The following NEK11 variants were observed in gnomAD, a reference collection of about 807,000 sequenced individuals.
The protein encoded by NEK11 is serine/threonine-protein kinase Nek11.
NEK11 carries 72 observed loss-of-function variants against 80.7 expected under a neutral mutation model. The observed-to-expected ratio is 0.89, with a 90% CI of 0.74 to 1.08. NEK11 has a LOEUF of 1.08. Ranked by LOEUF, NEK11 falls within the 50% of genes least tolerant of loss-of-function variation. NEK11 has a pLI of 0.00. For synonymous variants in NEK11, 251 were observed against 260.7 expected (o/e 0.96, Z 0.36); for missense variants, 764 against 763.6 (o/e 1.00, Z -0.01).
At chr3:131,275,478 T>A (rs2108736024) in intron 17 of NEK11, among the ~76,000 whole-genome samples, 1 of 152,352 alleles carries the variant, frequency 6.6e-6, no homozygotes, top group South Asian at 2.1e-4. Context: ...GTTGTTTTTT[T>A]TCTCCTTATT....
chr3:131,320,200 AT>A (rs1169605299), intron 17 of NEK11, among the ~76,000 whole-genome samples: 1 of 152,184 alleles, frequency 6.6e-6, no homozygotes, highest in African/African-American at 2.4e-5. Context: ...ACACAGGTTT[AT>A]GCTTGGTTGT....
rs1480177252 is a variant in NEK11 at position 131,165,470 on chromosome 3, A to C, written c.1127A>C (p.Gln376Pro). ...EKYEENSKRM[Q>P]ELRSRNFQQL... ...TATGAAGAAAATAGCAAACGAATGC[A>C]AGAATTGAGATCTCGGAACTTTCAG... The change falls in exon 12 of 18, where the codon CAA (glutamine) becomes CCA (proline). Residue 376 changes from glutamine (Q) to proline (P), a missense_variant. Physicochemically the swap from Gln to Pro is moderately conservative, Grantham distance 76 (BLOSUM62 -1). Transcript: ENST00000383366. The C allele has an allele frequency of 6.2e-7, 1 of 1,613,076 alleles. No homozygotes were observed. Among genetic ancestry groups the C allele is most frequent in the Non-Finnish European group, 8.5e-7 (1 of 1,179,126 alleles).
chr3:131,060,746 A>G (rs1342512618), intron 3 of NEK11, among the ~76,000 whole-genome samples: 1 of 152,168 alleles, frequency 6.6e-6, no homozygotes, highest in Non-Finnish European at 1.5e-5. Flanking sequence ...AAGTGGCTGT[A>G]CCATTTTGCA....
intron 3 of NEK11, among the ~76,000 whole-genome samples, chr3:131,058,695 A>G (rs2070172699): frequency 6.6e-6 from 1 of 152,178 alleles, no homozygotes; most frequent in South Asian, 2.1e-4. Context: ...TCAAGATATC[A>G]CAGTTCCCTT....
intron 4 of NEK11, among the ~76,000 whole-genome samples, chr3:131,106,189 G>A (rs2079148576): frequency 6.6e-6 from 1 of 151,350 alleles, no homozygotes; most frequent in African/African-American, 2.4e-5. Flanking sequence ...TTTTTTCAAT[G>A]TGGCACAGAA....
chr3:131,119,760 A>T (rs904189288), intron 5 of NEK11, among the ~76,000 whole-genome samples: 3 of 152,008 alleles, frequency 2.0e-5, no homozygotes, highest in African/African-American at 7.3e-5. Context: ...TTGTTGGTTT[A>T]AATTCTGTTT....
At chr3:131,135,344 C>G (rs2085359725) in intron 7 of NEK11, among the ~76,000 whole-genome samples, 1 of 152,102 alleles carries the variant, frequency 6.6e-6, no homozygotes. Context: ...CACCTATCAT[C>G]TTCTGTCTTC....
intron 14 of NEK11, chr3:131,174,955 C>G: frequency 1.4e-6 from 2 of 1,401,664 alleles, no homozygotes; most frequent in Admixed American, 3.3e-5. Flanking sequence ...TGTTCAGCCA[C>G]TCTTTAAGCA....
intron 14 of NEK11, among the ~76,000 whole-genome samples, chr3:131,177,574 C>T (rs1032290227): frequency 3.9e-5 from 6 of 152,242 alleles, no homozygotes; most frequent in Admixed American, 1.3e-4. Flanking sequence ...CTTGATTCGA[C>T]GTGAGAAGAT....
At chr3:131,154,130 G>C (rs2090205171) in intron 9 of NEK11, among the ~76,000 whole-genome samples, 1 of 152,138 alleles carries the variant, frequency 6.6e-6, no homozygotes, top group Non-Finnish European at 1.5e-5. Flanking sequence ...AGACAGGAGA[G>C]GGAGGCAGGC....
At chr3:131,337,689 G>T (rs1193442782) in intron 17 of NEK11, among the ~76,000 whole-genome samples, 1 of 151,924 alleles carries the variant, frequency 6.6e-6, no homozygotes, top group East Asian at 1.9e-4. Context: ...TGTTCCAGAA[G>T]TTAATGTCTT....
chr3:131,274,012 G>A (rs2096248034), intron 17 of NEK11, among the ~76,000 whole-genome samples: 1 of 151,328 alleles, frequency 6.6e-6, no homozygotes, highest in South Asian at 2.1e-4. Flanking sequence ...CATTGTGCAG[G>A]TTAGTTACAT....
intron 14 of NEK11, among the ~76,000 whole-genome samples, chr3:131,173,581 C>T (rs1459731007): frequency 6.7e-6 from 1 of 150,336 alleles, no homozygotes; most frequent in African/African-American, 2.4e-5. Flanking sequence ...CTTTCCATTT[C>T]CCCCAAAGTG....
chr3:131,210,375 G>A (rs2094571677), intron 14 of NEK11, among the ~76,000 whole-genome samples: 1 of 152,184 alleles, frequency 6.6e-6, no homozygotes, highest in Non-Finnish European at 1.5e-5. Flanking sequence ...CGTTTGCTGA[G>A]GAGTGCTTTA....
At chr3:131,338,081 C>T (rs2110281146) in intron 17 of NEK11, among the ~76,000 whole-genome samples, 1 of 152,228 alleles carries the variant, frequency 6.6e-6, no homozygotes, top group South Asian at 2.1e-4. Flanking sequence ...ATTCTCCTGC[C>T]TCAGCCTCCC....
chr3:131,104,320 G>C (rs1418993000), intron 4 of NEK11, among the ~76,000 whole-genome samples: 1 of 152,118 alleles, frequency 6.6e-6, no homozygotes, highest in Non-Finnish European at 1.5e-5. Context: ...TGCTCTGGGG[G>C]CCTAAGCTGG....
intron 3 of NEK11, among the ~76,000 whole-genome samples, chr3:131,064,256 A>T (rs1003651176): frequency 4.6e-5 from 7 of 152,166 alleles, no homozygotes; most frequent in African/African-American, 1.7e-4. Context: ...AATGCCACAG[A>T]CTAGGTGGTT....
chr3:131,062,375 C>G (rs556187990), intron 3 of NEK11, among the ~76,000 whole-genome samples: 1 of 152,220 alleles, frequency 6.6e-6, no homozygotes, highest in Admixed American at 6.5e-5. Flanking sequence ...CAGACTTTCT[C>G]TCCTCTGCTG....
intron 3 of NEK11, among the ~76,000 whole-genome samples, chr3:131,073,275 C>T (rs1380597595): frequency 6.6e-6 from 1 of 152,118 alleles, no homozygotes; most frequent in Non-Finnish European, 1.5e-5. Flanking sequence ...CAATATTTGT[C>T]TTCAAACCAC....
Sources: gnomAD v4.1 joint callset for allele counts (sites outside exome capture counted in the v4.1 genomes callset) on GRCh38, gnomAD v4.1.1 for gene constraint, MANE v1.5 for transcripts, NCBI Gene and HGNC (gene_info 2026-07-23, HGNC 2026-07-21) for gene names.